Variants in DLC1 observed in about 807,000 individuals in gnomAD.
DLC1 encodes rho GTPase-activating protein 7.
A neutral mutation model predicts 140.3 loss-of-function variants in DLC1; 54 were observed. That is an observed-to-expected ratio of 0.38 (90% CI 0.31 to 0.48). The LOEUF (loss-of-function observed/expected upper bound fraction) is 0.48, where lower values mean the gene tolerates loss of function less well. Ranked by LOEUF, DLC1 falls within the 20% of genes least tolerant of loss-of-function variation. The probability of loss-of-function intolerance (pLI) is 0.96; values close to 1 mark genes in which losing one functional copy is unlikely to be tolerated. For missense variants in DLC1, 2,536 were observed against 1,907.0 expected, an observed-to-expected ratio of 1.33 and a Z score of -6.14; for synonymous variants, 986 against 728.1, an observed-to-expected ratio of 1.35 and a Z score of -5.70.
chr8:13,589,430 G>A (rs1282385006), intron 1 of DLC1, among the ~76,000 whole-genome samples: 1 of 152,094 alleles, frequency 6.6e-6, no homozygotes, highest in African/African-American at 2.4e-5. Flanking sequence ...ACAGCTTTGA[G>A]ATAGGCACTT....
chr8:13,091,241 G>C, intron 14 of DLC1, 77 bp downstream of exon 14: 6 of 1,447,472 alleles, frequency 4.1e-6, no homozygotes, highest in Non-Finnish European at 5.8e-6. Flanking sequence ...GGTAAGACAT[G>C]AACAAGGGTC....
chr8:13,350,419 T>C (rs767883017), intron 4 of DLC1, among the ~76,000 whole-genome samples: 6 of 152,110 alleles, frequency 3.9e-5, no homozygotes, highest in South Asian at 2.1e-4. Context: ...GTGCTAAGTA[T>C]AAAGAAAAAC....
intron 5 of DLC1, among the ~76,000 whole-genome samples, chr8:13,142,507 T>A (rs1240929693): frequency 6.6e-6 from 1 of 152,108 alleles, no homozygotes; most frequent in African/African-American, 2.4e-5. Flanking sequence ...TCTCTAATAA[T>A]AAAAATAAAA....
At chr8:13,104,317 G>A (rs553359070) in intron 7 of DLC1, among the ~76,000 whole-genome samples, 1 of 143,882 alleles carries the variant, frequency 7.0e-6, no homozygotes, top group East Asian at 2.0e-4. Flanking sequence ...TTAAAATTAG[G>A]GAAATTTAGT....
At chr8:13,190,447 A>G (rs1826682587) in intron 5 of DLC1, among the ~76,000 whole-genome samples, 1 of 152,210 alleles carries the variant, frequency 6.6e-6, no homozygotes, top group Non-Finnish European at 1.5e-5. Flanking sequence ...GTCTGCAGAC[A>G]GTATTCTCTC....
At chr8:13,282,781 A>G (rs895692803) in intron 5 of DLC1, among the ~76,000 whole-genome samples, 3 of 152,202 alleles carry the variant, frequency 2.0e-5, no homozygotes, top group South Asian at 2.1e-4. Context: ...GAACTGCTTT[A>G]AAATTGTGGT....
intron 2 of DLC1, among the ~76,000 whole-genome samples, chr8:13,471,424 G>C (rs1455577875): frequency 6.7e-6 from 1 of 149,030 alleles, no homozygotes; most frequent in Admixed American, 6.7e-5. Context: ...ATACACCCTT[G>C]GTATATACAA....
At chr8:13,564,806 AAG>A (rs2117390400) in intron 1 of DLC1, among the ~76,000 whole-genome samples, 1 of 152,302 alleles carries the variant, frequency 6.6e-6, no homozygotes, top group Admixed American at 6.5e-5. Flanking sequence ...AACTAGGAAG[AAG>A]AGAAAGTAGC....
At chr8:13,175,834 C>A (rs1825730514) in intron 5 of DLC1, among the ~76,000 whole-genome samples, 1 of 152,286 alleles carries the variant, frequency 6.6e-6, no homozygotes, top group South Asian at 2.1e-4. Context: ...TGTTCTCTCA[C>A]CAAAGTGGAA....
chr8:13,487,227 G>A (rs1317732211), intron 2 of DLC1, among the ~76,000 whole-genome samples: 1 of 152,064 alleles, frequency 6.6e-6, no homozygotes, highest in Non-Finnish European at 1.5e-5. Flanking sequence ...TTCCAGTTGT[G>A]GATGATTATG....
chr8:13,195,063 G>A (rs1262682640), intron 5 of DLC1, among the ~76,000 whole-genome samples: 1 of 152,112 alleles, frequency 6.6e-6, no homozygotes, highest in Non-Finnish European at 1.5e-5. Context: ...TTTAAAAAAT[G>A]CTTCAAATAC....
intron 1 of DLC1, among the ~76,000 whole-genome samples, chr8:13,523,885 C>T (rs1390962831): frequency 2.7e-5 from 4 of 150,354 alleles, no homozygotes; most frequent in African/African-American, 7.3e-5. Flanking sequence ...ATGGTATGTT[C>T]CCAAGGGGGA....
rs577963368 is a variant in DLC1, at chr8:13,160,974, G to T, written c.1349-45317C>A. Among the ~76,000 whole-genome samples the T allele has an allele frequency of 5.9e-5, 9 of 152,224 alleles. No homozygotes were observed. In the East Asian group the frequency reaches 1.6e-3, roughly 26 times the overall value. ...CGGGTACCTGTATTCCCAGCTACTTGGGAGGCGGAGGCAGGAGAATGGCAC... is the reference window on the plus strand; with the variant it reads ...CGGGTACCTGTATTCCCAGCTACTTTGGAGGCGGAGGCAGGAGAATGGCAC... On this transcript the variant is annotated intron_variant, in intron 5 of 17. Coordinates refer to ENST00000276297, the MANE Select transcript of DLC1 (RefSeq NM_182643.3).
intron 2 of DLC1, among the ~76,000 whole-genome samples, chr8:13,403,699 G>A (rs949716387): frequency 6.6e-6 from 1 of 151,804 alleles, no homozygotes; most frequent in Non-Finnish European, 1.5e-5. Context: ...GCAGTGCAGT[G>A]GCACGATGTT....
intron 5 of DLC1, among the ~76,000 whole-genome samples, chr8:13,134,127 G>T (rs1205025280): frequency 6.6e-6 from 1 of 152,136 alleles, no homozygotes; most frequent in Non-Finnish European, 1.5e-5. Flanking sequence ...TGATTCTGAT[G>T]GCCTGTAGTT....
intron 2 of DLC1, among the ~76,000 whole-genome samples, chr8:13,489,834 T>G (rs1205723451): frequency 6.6e-6 from 1 of 152,236 alleles, no homozygotes; most frequent in Admixed American, 6.5e-5. Flanking sequence ...TACTAGAATT[T>G]GCATTATTTT....
Position 13,088,651 on chromosome 8 carries a change from A to C in DLC1, c.4128T>G (p.Ala1376=). The change falls in exon 16 of 18, where the codon GCT becomes GCG. Residue 1376 remains alanine, a synonymous_variant. Coordinates refer to ENST00000276297, the MANE Select transcript of DLC1 (RefSeq NM_182643.3). ...RLWRSVIEVP[A]VPEEILKRLL... is the part of the protein sequence containing the mutation. ...GGCGCTTTAAGATTTCCTCTGGCAC[A>C]GCAGGGACTTCAATGACTGACCTCC... 1.9e-6 allele frequency: 3 copies of C among 1,614,186 alleles called. No individual in the cohort carries two copies. The South Asian group carries it at 3.3e-5, about 18-fold the overall frequency.
chr8:13,103,408 G>C (rs935866982), intron 7 of DLC1, among the ~76,000 whole-genome samples: 2 of 151,940 alleles, frequency 1.3e-5, no homozygotes, highest in Non-Finnish European at 2.9e-5. Context: ...ATTTTAGTGT[G>C]AAATGGCACA....
chr8:13,271,891 G>C (rs1191175268), intron 5 of DLC1, among the ~76,000 whole-genome samples: 1 of 152,172 alleles, frequency 6.6e-6, no homozygotes, highest in African/African-American at 2.4e-5. Context: ...TACCCAGGCT[G>C]GTCTTGGGTT....
Sources: gnomAD v4.1 joint callset for allele counts (sites outside exome capture counted in the v4.1 genomes callset) on GRCh38, gnomAD v4.1.1 for gene constraint, MANE v1.5 for transcripts, NCBI Gene and HGNC (gene_info 2026-07-23, HGNC 2026-07-21) for gene names.